Variants in SEPTIN9 observed in about 807,000 individuals in gnomAD.
SEPTIN9 encodes the protein septin-9.
A neutral mutation model predicts 56.6 loss-of-function variants in SEPTIN9; 13 were observed. The ratio of observed to expected loss-of-function variants is 0.23; its 90% CI spans 0.15 to 0.37. SEPTIN9 has a LOEUF of 0.37. Among genes scored for constraint, SEPTIN9 ranks in the 10% least tolerant of loss-of-function variants. The probability of loss-of-function intolerance (pLI) is 1.00; values close to 1 mark genes in which losing one functional copy is unlikely to be tolerated. For synonymous variants in SEPTIN9, 332 were observed against 334.1 expected (o/e 0.99, Z 0.07); for missense variants, 650 against 823.1 (o/e 0.79, Z 2.57).
chr17:77,307,396 G>A (rs1210750157), intron 2 of SEPTIN9, among the ~76,000 whole-genome samples, 199 bp downstream of exon 2: 1 of 152,258 alleles, frequency 6.6e-6, no homozygotes, highest in African/African-American at 2.4e-5. Context: ...TGCCCTGCTG[G>A]AGATGATCCT....
At chr17:77,383,893 G>A (rs748513240) in intron 2 of SEPTIN9, among the ~76,000 whole-genome samples, 7 of 152,246 alleles carry the variant, frequency 4.6e-5, no homozygotes, top group Non-Finnish European at 7.3e-5. Context: ...TTTCCCATCT[G>A]TGCAATGGGG....
At chr17:77,391,222 G>A (rs770228419) in intron 2 of SEPTIN9, among the ~76,000 whole-genome samples, 1 of 152,138 alleles carries the variant, frequency 6.6e-6, no homozygotes, top group Non-Finnish European at 1.5e-5. Context: ...TGAGGGAGTC[G>A]AATGGAATGG....
In SEPTIN9 at chr17:77,307,123, C is replaced by G. The variant is rs766509575; in HGVS notation, c.20-18C>G. On this transcript the variant is annotated intron_variant, in intron 1 of 11. Transcript: ENST00000427177. ...CCAGTGGCCTTGTGTGACCTTTGCC[C>G]TTTGTCTCTGTCTTTAGGAGGCACG... 1 of 1,613,574 alleles carries G rather than the reference C, an allele frequency of 6.2e-7. No individual in the cohort carries two copies. The highest frequency in any genetic ancestry group is 8.5e-7 in the Non-Finnish European group (1 of 1,179,642).
At chr17:77,366,220 T>C (rs7217906) in intron 2 of SEPTIN9, among the ~76,000 whole-genome samples, 33,957 of 152,046 alleles carry the variant, frequency 0.22, 4,169 homozygotes, top group South Asian at 0.35. Context: ...AGGGTTTTTT[T>C]CCATCACTGG....
At chr17:77,354,788 A>ATT (rs2034171245) in intron 2 of SEPTIN9, among the ~76,000 whole-genome samples, 1 of 151,962 alleles carries the variant, frequency 6.6e-6, no homozygotes, top group Non-Finnish European at 1.5e-5. Context: ...GGGCGGTGCA[A>ATT]TCGTGACGCC....
intron 3 of SEPTIN9, chr17:77,446,790 C>G (rs2037759269): frequency 6.0e-6 from 1 of 167,082 alleles, no homozygotes; most frequent in Non-Finnish European, 1.5e-5. Flanking sequence ...TTCAGCCTAC[C>G]CTAGGGGCCT....
At position 77,451,829 on chromosome 17, in the gene SEPTIN9, G is replaced by T. The variant is rs2037985181; in HGVS notation, c.722-30315G>T. The stretch of plus-strand genomic sequence containing the variant: ...CTAAGCTGAGTGGCTAAGTTCTCCT[G>T]CTGCCCGGAGCTTCTTGGAACATGT... On this transcript the variant is annotated intron_variant, in intron 3 of 11. Transcript: ENST00000427177. The surrounding 1 kb of genome is among the most constrained non-coding windows in gnomAD (Gnocchi z 4.2). 6.6e-6 allele frequency among the ~76,000 whole-genome samples: 1 copy of T among 152,224 alleles called. No individual in the cohort carries two copies. Among genetic ancestry groups the T allele is most frequent in the African/African-American group, 2.4e-5 (1 of 41,442 alleles).
At chr17:77,320,251 G>T in intron 2 of SEPTIN9, 2 of 1,611,572 alleles carry the variant, frequency 1.2e-6, no homozygotes, top group South Asian at 2.2e-5. Flanking sequence ...GAGGGAGGGC[G>T]ACGGGGGTGA....
chr17:77,459,282 C>T (rs2038353549), intron 3 of SEPTIN9, among the ~76,000 whole-genome samples: 1 of 152,222 alleles, frequency 6.6e-6, no homozygotes, highest in South Asian at 2.1e-4. Context: ...TGCCTGGTGC[C>T]ACCTCCCCAG....
chr17:77,439,511 G>T (rs1215846297), intron 3 of SEPTIN9, among the ~76,000 whole-genome samples: 3 of 152,178 alleles, frequency 2.0e-5, no homozygotes, highest in Non-Finnish European at 2.9e-5. Flanking sequence ...TTGGCTGGTG[G>T]GCGTCCCCAC....
intron 1 of SEPTIN9, among the ~76,000 whole-genome samples, chr17:77,285,202 C>T (rs1358229770): frequency 1.3e-5 from 2 of 151,990 alleles, no homozygotes; most frequent in Non-Finnish European, 2.9e-5. Context: ...CGCCCTGGCT[C>T]TCTAGGTTCT....
At chr17:77,304,704 G>T (rs570421146) in intron 1 of SEPTIN9, among the ~76,000 whole-genome samples, 3 of 152,144 alleles carry the variant, frequency 2.0e-5, no homozygotes, top group Non-Finnish European at 2.9e-5. Flanking sequence ...CCACAGTGGG[G>T]TGTGCTAGAT....
rs2144410874 is a variant in SEPTIN9, at chr17:77,451,714, A to T, written c.722-30430A>T. Among the ~76,000 whole-genome samples, 1 of 152,216 alleles carries T rather than the reference A, an allele frequency of 6.6e-6. No individual in the cohort carries two copies. Among genetic ancestry groups the T allele is most frequent in the Admixed American group, 6.5e-5 (1 of 15,306 alleles). On this transcript the variant is annotated intron_variant, in intron 3 of 11. Transcript: ENST00000427177. The surrounding 1 kb of genome is among the most constrained non-coding windows in gnomAD (Gnocchi z 4.2). The stretch of plus-strand genomic sequence containing the variant: ...CAGGAGAGGGGTGGCGGGGAGCTCG[A>T]TCTCCACGCGGGGACCAGATTTTCG...
At position 77,371,559 on chromosome 17, in the gene SEPTIN9, C is replaced by G. The variant is rs1222209200; in HGVS notation, c.77-30500C>G. On this transcript the variant is annotated intron_variant, in intron 2 of 11. Transcript: ENST00000427177. This position sits in a 1 kb window ranked among gnomAD's most constrained non-coding sequence, Gnocchi z 4.1. ...TTCCCAGGGGGGCTGTGTTGTTGGGCTGAGTTTCTTAGGTACTGGACCCCC... is the reference window on the plus strand; with the variant it reads ...TTCCCAGGGGGGCTGTGTTGTTGGGGTGAGTTTCTTAGGTACTGGACCCCC... 1.3e-5 allele frequency among the ~76,000 whole-genome samples: 2 copies of G among 152,190 alleles called. No homozygotes were observed. Among genetic ancestry groups the G allele is most frequent in the African/African-American group, 4.8e-5 (2 of 41,432 alleles).
At position 77,287,925 on chromosome 17, in the gene SEPTIN9, C is replaced by G. The variant is rs369352482; in HGVS notation, c.19+6371C>G. 8.9e-5 allele frequency: 93 copies of G among 1,044,090 alleles called. 1 individual carries two copies. The African/African-American group carries it at 1.4e-3, about 16-fold the overall frequency. The allele number at this position is 1,044,090 out of a possible 1,614,324, so 64.7% of individuals were successfully genotyped here. ...CCCTTAGACCCAGGCTGCCTGCTGT[C>G]TCTGGCAGGAACTCAAGTCGCTGGT... On this transcript the variant is annotated intron_variant, in intron 1 of 11. Coordinates refer to ENST00000427177, the MANE Select transcript of SEPTIN9 (RefSeq NM_001113491.2).
chr17:77,290,950 C>T (rs940140970), intron 1 of SEPTIN9, among the ~76,000 whole-genome samples: 23 of 151,496 alleles, frequency 1.5e-4, no homozygotes, highest in African/African-American at 4.8e-4. Flanking sequence ...CTCCCAGTCT[C>T]GACCTCCCAG....
At chr17:77,358,260 G>A (rs1023523266) in intron 2 of SEPTIN9, among the ~76,000 whole-genome samples, 21 of 152,190 alleles carry the variant, frequency 1.4e-4, no homozygotes, top group African/African-American at 4.3e-4. Flanking sequence ...GTGTTTACTT[G>A]CTGTTCCTTC....
At chr17:77,296,610 T>C (rs1028754821) in intron 1 of SEPTIN9, among the ~76,000 whole-genome samples, 7 of 152,146 alleles carry the variant, frequency 4.6e-5, no homozygotes, top group African/African-American at 1.7e-4. Flanking sequence ...ACCAGCACAT[T>C]GGTAGGCTGA....
chr17:77,474,370 G>A (rs938744635), intron 3 of SEPTIN9, among the ~76,000 whole-genome samples: 2 of 152,230 alleles, frequency 1.3e-5, no homozygotes, highest in African/African-American at 4.8e-5. Flanking sequence ...CCCAGTAGCT[G>A]GTACCATCAT....
Sources: allele counts gnomAD v4.1 joint callset (sites outside exome capture counted in the v4.1 genomes callset), GRCh38; gene constraint gnomAD v4.1.1; non-coding constraint Gnocchi (gnomAD v3.1); transcripts MANE v1.5; gene names NCBI Gene and HGNC (gene_info 2026-07-23, HGNC 2026-07-21).